The following ZNF407 variants were observed in gnomAD, a reference collection of about 807,000 sequenced individuals.
ZNF407 encodes zinc finger protein 407.
ZNF407 carries 17 observed loss-of-function variants against 131.2 expected under a neutral mutation model. That is an observed-to-expected ratio of 0.13 (90% CI 0.09 to 0.19). The LOEUF (loss-of-function observed/expected upper bound fraction) is 0.19, where lower values mean the gene tolerates loss of function less well. Among genes scored for constraint, ZNF407 ranks in the 10% least tolerant of loss-of-function variants. The pLI, the probability that ZNF407 is intolerant of heterozygous loss-of-function variation, is 1.00. For missense variants in ZNF407, 2,681 were observed against 2,830.6 expected (o/e 0.95, Z 1.20); for synonymous variants, 1,156 against 1,062.0 (o/e 1.09, Z -1.72).
chr18:74,908,191 T>C (rs1256819347), intron 7 of ZNF407, among the ~76,000 whole-genome samples: 1 of 152,246 alleles, frequency 6.6e-6, no homozygotes, highest in East Asian at 1.9e-4. Context: ...CATTATGCTA[T>C]ATAGCAGTAT....
At chr18:74,970,462 G>A (rs1972459911) in intron 8 of ZNF407, among the ~76,000 whole-genome samples, 2 of 152,194 alleles carry the variant, frequency 1.3e-5, no homozygotes, top group Admixed American at 6.5e-5. Flanking sequence ...GGGGGTACAG[G>A]AATTGGGTAA....
intron 3 of ZNF407, among the ~76,000 whole-genome samples, chr18:74,641,690 A>G (rs769005363): frequency 1.3e-5 from 2 of 152,212 alleles, no homozygotes; most frequent in Non-Finnish European, 2.9e-5. Flanking sequence ...TCTCTGAAGA[A>G]TCATGTACAG....
At chr18:74,757,852 G>C (rs375846949) in intron 3 of ZNF407, among the ~76,000 whole-genome samples, 16 of 152,024 alleles carry the variant, frequency 1.1e-4, no homozygotes, top group East Asian at 5.8e-4. Flanking sequence ...TCTTTATAGA[G>C]TACCAACTTT....
intron 3 of ZNF407, among the ~76,000 whole-genome samples, chr18:74,769,733 C>T (rs749909259): frequency 3.9e-5 from 6 of 152,194 alleles, no homozygotes; most frequent in East Asian, 1.9e-4. Flanking sequence ...AGACTAGATG[C>T]GGGTTTTCAA....
intron 8 of ZNF407, among the ~76,000 whole-genome samples, chr18:74,967,410 CA>C (rs1229068649): frequency 6.6e-6 from 1 of 152,124 alleles, no homozygotes. Context: ...TTATTGCCTC[CA>C]TTATTTAACT....
intron 8 of ZNF407, among the ~76,000 whole-genome samples, chr18:74,983,874 C>T (rs1478976173): frequency 9.9e-5 from 15 of 152,134 alleles, no homozygotes; most frequent in South Asian, 2.1e-4. Context: ...AGCCTGGCAC[C>T]GAGCAGCTCA....
intron 3 of ZNF407, among the ~76,000 whole-genome samples, chr18:74,757,229 GA>G (rs1339761811): frequency 2.0e-5 from 3 of 151,788 alleles, no homozygotes; most frequent in Non-Finnish European, 4.4e-5. Flanking sequence ...TATTTTTAAG[GA>G]AGTCAAATGA....
At position 74,632,324 on chromosome 18, in the gene ZNF407, C is replaced by T. The variant is rs750946442; in HGVS notation, c.1305C>T (p.Thr435=). Residue 435 remains threonine (T), a synonymous_variant, in exon 2 of 9, where the codon ACC becomes ACT. Transcript: ENST00000299687. ...TTCGTCGACGAAGCAGCACTTTCACCTTGAAGGGCCAGGCAAAGAAAAGGT... is the reference window on the plus strand; with the variant it reads ...TTCGTCGACGAAGCAGCACTTTCACTTTGAAGGGCCAGGCAAAGAAAAGGT... ...NSFRRRSSTF[T]LKGQAKKRFN... 8 of 1,613,848 alleles carry T rather than the reference C, an allele frequency of 5.0e-6. No homozygotes were observed. The highest frequency in any genetic ancestry group is 5.9e-6 in the Non-Finnish European group (7 of 1,179,906).
intron 4 of ZNF407, among the ~76,000 whole-genome samples, chr18:74,844,367 C>T (rs1009196533): frequency 6.6e-6 from 1 of 152,196 alleles, no homozygotes; most frequent in South Asian, 2.1e-4. Flanking sequence ...CAGCTTCCCT[C>T]AGGACTTCAG....
intron 6 of ZNF407, among the ~76,000 whole-genome samples, chr18:74,887,584 T>C (rs1024287406): frequency 6.6e-6 from 1 of 152,190 alleles, no homozygotes; most frequent in African/African-American, 2.4e-5. Context: ...TTCATCTTTT[T>C]CCTGGTTATG....
chr18:74,843,507 A>G (rs954333876), intron 4 of ZNF407, among the ~76,000 whole-genome samples: 5 of 152,228 alleles, frequency 3.3e-5, no homozygotes, highest in Non-Finnish European at 7.3e-5. Context: ...AATGATGATT[A>G]AAAGTGTATT....
At chr18:74,731,386 C>A (rs1968290993) in intron 3 of ZNF407, among the ~76,000 whole-genome samples, 1 of 152,156 alleles carries the variant, frequency 6.6e-6, no homozygotes, top group African/African-American at 2.4e-5. Context: ...GTTGGCTAGT[C>A]ATGAATTTTT....
At chr18:75,022,992 A>G (rs1311744060) in intron 8 of ZNF407, among the ~76,000 whole-genome samples, 1 of 152,214 alleles carries the variant, frequency 6.6e-6, no homozygotes, top group Non-Finnish European at 1.5e-5. Context: ...GTGGAATACT[A>G]TGCAGCCATG....
intron 1 of ZNF407, among the ~76,000 whole-genome samples, chr18:74,619,751 GGAA>G (rs1181440528): frequency 6.6e-6 from 1 of 152,052 alleles, no homozygotes; most frequent in Non-Finnish European, 1.5e-5. Flanking sequence ...ACAATAAATA[GGAA>G]GAAGAATTTA....
chr18:74,941,880 G>A (rs1023838984), intron 8 of ZNF407, among the ~76,000 whole-genome samples: 6 of 152,168 alleles, frequency 3.9e-5, no homozygotes, highest in African/African-American at 1.2e-4. Flanking sequence ...TCCAGGGCTC[G>A]AGTTATTTCC....
At chr18:74,615,903 G>C (rs1983266328) in intron 1 of ZNF407, among the ~76,000 whole-genome samples, 1 of 151,094 alleles carries the variant, frequency 6.6e-6, no homozygotes, top group Non-Finnish European at 1.5e-5. Flanking sequence ...CATTCTTTTT[G>C]TCCGGGCTGG....
intron 4 of ZNF407, among the ~76,000 whole-genome samples, chr18:74,844,535 G>A (rs1457458958): frequency 1.3e-5 from 2 of 151,992 alleles, no homozygotes; most frequent in Non-Finnish European, 2.9e-5. Flanking sequence ...TAAATAGTAA[G>A]TTAAATTAAT....
chr18:74,873,447 C>T (rs533171770), intron 4 of ZNF407, among the ~76,000 whole-genome samples: 12 of 152,150 alleles, frequency 7.9e-5, no homozygotes, highest in African/African-American at 2.7e-4. Flanking sequence ...CCAGAGTCAG[C>T]CCACATTTAG....
chr18:74,651,457 C>T (rs189222459), intron 3 of ZNF407, among the ~76,000 whole-genome samples: 35 of 152,030 alleles, frequency 2.3e-4, no homozygotes, highest in African/African-American at 7.7e-4. Context: ...AAGAAGAGGC[C>T]GATAATTTGC....
Sources: gnomAD v4.1 joint callset for allele counts (sites outside exome capture counted in the v4.1 genomes callset) on GRCh38, gnomAD v4.1.1 for gene constraint, MANE v1.5 for transcripts, NCBI Gene and HGNC (gene_info 2026-07-23, HGNC 2026-07-21) for gene names.